Variants in LYPD6B observed in about 807,000 individuals in gnomAD.
LYPD6B encodes the protein ly6/PLAUR domain-containing protein 6B.
In LYPD6B, 17 loss-of-function variants were observed where a neutral mutation model predicts 22.8. The ratio of observed to expected loss-of-function variants is 0.75; its 90% CI spans 0.51 to 1.12. The LOEUF (loss-of-function observed/expected upper bound fraction) is 1.12. Ranked by LOEUF, LYPD6B falls within the 50% of genes most tolerant of loss-of-function variation. The probability of loss-of-function intolerance (pLI) is 0.00; values close to 1 mark genes in which losing one functional copy is unlikely to be tolerated. For synonymous variants in LYPD6B, 106 were observed against 91.6 expected, an observed-to-expected ratio of 1.16 and a Z score of -0.90; for missense variants, 221 against 258.3, an observed-to-expected ratio of 0.86 and a Z score of 0.99.
intron 2 of LYPD6B, among the ~76,000 whole-genome samples, chr2:149,154,576 C>T (rs1454133982): frequency 6.6e-6 from 1 of 151,950 alleles, no homozygotes; most frequent in Non-Finnish European, 1.5e-5. Context: ...TACCAACCAG[C>T]TCCATCCTAA....
intron 1 of LYPD6B, among the ~76,000 whole-genome samples, chr2:149,080,044 T>G (rs1685055166): frequency 6.6e-6 from 1 of 152,204 alleles, no homozygotes; most frequent in Non-Finnish European, 1.5e-5. Context: ...GTAAGTATAT[T>G]TTTGTTAAGA....
chr2:149,039,671 AT>A (rs1378902473), intron 1 of LYPD6B, among the ~76,000 whole-genome samples: 1 of 151,982 alleles, frequency 6.6e-6, no homozygotes, highest in Non-Finnish European at 1.5e-5. Flanking sequence ...ATACTGCTTG[AT>A]TTTTCCCCCT....
intron 1 of LYPD6B, among the ~76,000 whole-genome samples, chr2:149,064,140 A>G (rs1574900131): frequency 6.6e-6 from 1 of 152,330 alleles, no homozygotes; most frequent in South Asian, 2.1e-4. Flanking sequence ...ATAGCAGCAC[A>G]GACTTTGACA....
chr2:149,187,140 T>C (rs1033965425), intron 3 of LYPD6B, among the ~76,000 whole-genome samples: 31 of 152,194 alleles, frequency 2.0e-4, no homozygotes, highest in Non-Finnish European at 3.4e-4. Context: ...CTAAAACATT[T>C]GTGTGACTTG....
At chr2:149,122,526 C>T (rs1255274908) in intron 1 of LYPD6B, among the ~76,000 whole-genome samples, 1 of 151,170 alleles carries the variant, frequency 6.6e-6, no homozygotes, top group African/African-American at 2.4e-5. Context: ...CCCATTAACT[C>T]GTCATTTACA....
At chr2:149,093,476 C>T (rs1186166292) in intron 1 of LYPD6B, among the ~76,000 whole-genome samples, 1 of 152,194 alleles carries the variant, frequency 6.6e-6, no homozygotes, top group East Asian at 1.9e-4. Context: ...TACTGTCCAT[C>T]ATTCTGAGAC....
intron 2 of LYPD6B, among the ~76,000 whole-genome samples, chr2:149,143,548 C>T (rs953910379): frequency 6.6e-6 from 1 of 150,584 alleles, no homozygotes; most frequent in African/African-American, 2.4e-5. Context: ...ACCACCATCA[C>T]CCTAAAACAA....
At position 149,197,897 on chromosome 2, in the gene LYPD6B, T is replaced by C. The variant is rs145755711; in HGVS notation, c.78-7356T>C. Among the ~76,000 whole-genome samples, 465 of 152,300 alleles carry C rather than the reference T, an allele frequency of 3.1e-3. 4 individuals carry two copies. Among genetic ancestry groups the C allele is most frequent in the African/African-American group, 7.7e-3 (320 of 41,560 alleles). ...AACAGGGTAAAAATTATTTCACCTGTGTGAAGGAGACTCTCAAATGTGATC... is the reference window on the plus strand; with the variant it reads ...AACAGGGTAAAAATTATTTCACCTGCGTGAAGGAGACTCTCAAATGTGATC... On this transcript the variant is annotated intron_variant, in intron 3 of 6. Coordinates refer to ENST00000409642, the MANE Select transcript of LYPD6B (RefSeq NM_177964.5).
At chr2:149,205,517 C>T in intron 4 of LYPD6B, 113 bp downstream of exon 4, 8 of 1,179,944 alleles carry the variant, frequency 6.8e-6, no homozygotes, top group Non-Finnish European at 9.5e-6. Context: ...TTGTTTTATC[C>T]CTAGAATAAA....
intron 1 of LYPD6B, among the ~76,000 whole-genome samples, chr2:149,127,625 A>G (rs558684815): frequency 3.3e-5 from 5 of 152,114 alleles, no homozygotes; most frequent in Admixed American, 2.6e-4. Flanking sequence ...GTGTGTATCT[A>G]TGTACTTTCT....
intron 1 of LYPD6B, among the ~76,000 whole-genome samples, chr2:149,113,906 A>G (rs751980190): frequency 5.9e-5 from 9 of 152,212 alleles, no homozygotes; most frequent in Non-Finnish European, 1.3e-4. Flanking sequence ...TATTGACAAG[A>G]TGGTGTAGAG....
chr2:149,214,668 C>T lies in LYPD6B; in HGVS notation c.582C>T (p.Tyr194=). Residue 194 remains tyrosine, a synonymous_variant, in exon 7 of 7, where the codon TAC becomes TAT. Coordinates refer to ENST00000409642, the MANE Select transcript of LYPD6B (RefSeq NM_177964.5). ...RTSGSSAPTL[Y]LPVLAWVFVL... ...CTGGCAGCAGTGCCCCCACACTCTA[C>T]CTACCAGTGCTTGCCTGGGTCTTTG... 6.2e-7 allele frequency: 1 copy of T among 1,614,008 alleles called. No individual in the cohort carries two copies. Among genetic ancestry groups the T allele is most frequent in the East Asian group, 2.2e-5 (1 of 44,870 alleles).
chr2:149,162,192 A>C (rs1234885492), intron 3 of LYPD6B, among the ~76,000 whole-genome samples: 2 of 152,194 alleles, frequency 1.3e-5, no homozygotes, highest in Admixed American at 6.5e-5. Flanking sequence ...ATGTAACTCT[A>C]TTATTAACCA....
chr2:149,066,149 T>C (rs12614484), intron 1 of LYPD6B, among the ~76,000 whole-genome samples: 26,748 of 151,994 alleles, frequency 0.18, 2,542 homozygotes, highest in East Asian at 0.38. Context: ...CTATTAACCA[T>C]TATTTGTTTC....
chr2:149,175,869 A>G (rs1691263933), intron 3 of LYPD6B, among the ~76,000 whole-genome samples: 1 of 152,100 alleles, frequency 6.6e-6, no homozygotes, highest in African/African-American at 2.4e-5. Flanking sequence ...AGGGGCAATA[A>G]CATGCATGGA....
chr2:149,208,683 T>C (rs1224492938), intron 5 of LYPD6B, among the ~76,000 whole-genome samples: 3 of 152,242 alleles, frequency 2.0e-5, no homozygotes, highest in East Asian at 1.9e-4. Context: ...ATTATACCTC[T>C]AGAAAAGTCA....
intron 3 of LYPD6B, among the ~76,000 whole-genome samples, chr2:149,171,640 G>A (rs766616202): frequency 6.6e-6 from 1 of 151,980 alleles, no homozygotes; most frequent in Non-Finnish European, 1.5e-5. Context: ...CTCAAGAAAG[G>A]CCACATCTTT....
intron 1 of LYPD6B, among the ~76,000 whole-genome samples, chr2:149,045,151 G>A (rs952707533): frequency 6.6e-6 from 1 of 151,950 alleles, no homozygotes; most frequent in Non-Finnish European, 1.5e-5. Flanking sequence ...AGTTTTGTTA[G>A]TTTCTATCTT....
At chr2:149,078,675 C>T (rs1684983899) in intron 1 of LYPD6B, among the ~76,000 whole-genome samples, 1 of 152,160 alleles carries the variant, frequency 6.6e-6, no homozygotes, top group South Asian at 2.1e-4. Flanking sequence ...GACTTTCTCC[C>T]TACTGTGCTT....
Sources: allele counts gnomAD v4.1 joint callset (sites outside exome capture counted in the v4.1 genomes callset), GRCh38; gene constraint gnomAD v4.1.1; transcripts MANE v1.5; gene names NCBI Gene and HGNC (gene_info 2026-07-23, HGNC 2026-07-21).